ANTXR2: variants seen among roughly 807,000 people sequenced by gnomAD.
The protein encoded by ANTXR2 is anthrax toxin receptor 2.
In ANTXR2, 44 loss-of-function variants were observed where a neutral mutation model predicts 73.7. The observed-to-expected ratio is 0.60, with a 90% CI of 0.47 to 0.77. The LOEUF (loss-of-function observed/expected upper bound fraction) is 0.77, where lower values mean the gene tolerates loss of function less well. ANTXR2 is among the 30% of genes least tolerant of loss of function. ANTXR2 has a pLI of 0.00. For synonymous variants in ANTXR2, 217 were observed against 205.9 expected (o/e 1.05, Z -0.46); for missense variants, 604 against 592.5 (o/e 1.02, Z -0.20).
At chr4:79,956,812 G>A (rs181116754) in intron 16 of ANTXR2, among the ~76,000 whole-genome samples, 4 of 152,012 alleles carry the variant, frequency 2.6e-5, no homozygotes, top group Non-Finnish European at 4.4e-5. Context: ...AGCATTGGAA[G>A]TATTGGAAAC....
chr4:79,984,766 T>A, intron 13 of ANTXR2, 53 bp downstream of exon 13: 1 of 1,475,650 alleles, frequency 6.8e-7, no homozygotes, highest in Non-Finnish European at 9.4e-7. Context: ...GGGCATGGTA[T>A]CTGCATTTGG....
chr4:80,009,610 G>A (rs1731471654), intron 11 of ANTXR2, among the ~76,000 whole-genome samples: 2 of 152,084 alleles, frequency 1.3e-5, no homozygotes, highest in Admixed American at 6.6e-5. Context: ...AGCACTTTGG[G>A]AGGCCGAGGC....
In ANTXR2 at chr4:80,072,870, C is replaced by A; in HGVS notation, c.-310G>T. On this transcript the variant is annotated 5_prime_UTR_variant, in exon 1 of 17. Coordinates refer to ENST00000403729, the MANE Select transcript of ANTXR2 (RefSeq NM_058172.6). ...TCCTGCAGACAATGCGGGCCCACGG[C>A]GACAGCTCGCGAAAGGAGTTCCTCT... is the stretch of plus-strand genomic sequence containing the variant. The A allele has an allele frequency of 2.4e-6, 1 of 418,190 alleles. No homozygotes were observed. The highest frequency in any genetic ancestry group is 3.7e-6 in the Non-Finnish European group (1 of 273,212). 25.9% of individuals were successfully genotyped at this position (418,190 alleles called of 1,614,324 possible).
intron 16 of ANTXR2, among the ~76,000 whole-genome samples, chr4:79,949,104 T>C (rs1469054158): frequency 1.3e-5 from 2 of 152,130 alleles, no homozygotes; most frequent in African/African-American, 4.8e-5. Context: ...ATCCTTTTAA[T>C]ATGAGTGGCA....
intron 7 of ANTXR2, among the ~76,000 whole-genome samples, chr4:80,040,713 TTG>T: frequency 6.6e-6 from 1 of 150,860 alleles, no homozygotes; most frequent in East Asian, 2.0e-4. Flanking sequence ...ATTTCATCAT[TTG>T]ATATTTTGGG....
Position 80,008,569 on chromosome 4 carries a change from G to C in ANTXR2, c.993C>G (p.Leu331=), listed in dbSNP as rs1476909014. 3.1e-6 allele frequency: 5 copies of C among 1,607,348 alleles called. No individual in the cohort carries two copies. The highest frequency in any genetic ancestry group is 2.3e-5 in the East Asian group (1 of 44,380). The change falls in exon 12 of 17, where the codon CTC becomes CTG. Residue 331 remains leucine (L), a synonymous_variant. Coordinates refer to ENST00000403729, the MANE Select transcript of ANTXR2 (RefSeq NM_058172.6). ...AIIVILVLLL[L]LGIGLMWWFW... ...ACCACCACATCAAACCGATCCCCAG[G>C]AGTAGCAGTAACACCAAAATAACAA...
chr4:79,964,161 G>C (rs1729257618), intron 16 of ANTXR2, among the ~76,000 whole-genome samples: 2 of 152,160 alleles, frequency 1.3e-5, no homozygotes, highest in Non-Finnish European at 1.5e-5. Flanking sequence ...TTGCTGGTGA[G>C]GAGAGACTGC....
chr4:80,018,856 A>C (rs1389704631), intron 11 of ANTXR2, 42 bp downstream of exon 11: 1 of 1,350,298 alleles, frequency 7.4e-7, no homozygotes, highest in Admixed American at 2.5e-5. Flanking sequence ...TTCTGGATGG[A>C]ATTGCTTTTA....
chr4:79,916,158 G>A (rs966226838), intron 16 of ANTXR2, among the ~76,000 whole-genome samples: 2 of 151,860 alleles, frequency 1.3e-5, no homozygotes, highest in African/African-American at 2.4e-5. Flanking sequence ...TATTTATTTT[G>A]CAAATACCCA....
intron 12 of ANTXR2, among the ~76,000 whole-genome samples, chr4:79,989,155 T>C (rs1180743062): frequency 2.0e-5 from 3 of 151,630 alleles, no homozygotes; most frequent in Non-Finnish European, 2.9e-5. Context: ...AGAGCTGAAC[T>C]GAAGGAAACT....
At chr4:80,053,604 A>G (rs377571584) in intron 7 of ANTXR2, among the ~76,000 whole-genome samples, 18 of 151,654 alleles carry the variant, frequency 1.2e-4, no homozygotes, top group African/African-American at 3.9e-4. Flanking sequence ...TATCATAAAT[A>G]CTTAATAGCA....
chr4:80,034,867 T>C (rs944587125), intron 8 of ANTXR2, among the ~76,000 whole-genome samples: 4 of 152,088 alleles, frequency 2.6e-5, no homozygotes, highest in East Asian at 1.9e-4. Flanking sequence ...TCATTTACTA[T>C]GTTATGAAAG....
chr4:79,959,326 C>T, intron 16 of ANTXR2, among the ~76,000 whole-genome samples: 1 of 151,990 alleles, frequency 6.6e-6, no homozygotes, highest in East Asian at 1.9e-4. Flanking sequence ...TTATTTTTCT[C>T]AGTAGCTTAA....
rs368558915 is a variant in ANTXR2 at position 80,071,857 on chromosome 4, AAAG to A, written c.153-206_153-204del. 4.0e-4 allele frequency among the ~76,000 whole-genome samples: 61 copies of A among 152,246 alleles called. 1 individual carries two copies. The South Asian group carries it at 6.4e-3, about 16-fold the overall frequency. On this transcript the variant is annotated intron_variant, in intron 1 of 16. Coordinates refer to ENST00000403729, the MANE Select transcript of ANTXR2 (RefSeq NM_058172.6). ...CAGAGCAAGACTCCGTCAAAAAAAA[AAAG>A]AAGAAGAAGAAGTCAGCCCGTTTTC...
At chr4:80,007,568 T>C (rs1731366986) in intron 12 of ANTXR2, among the ~76,000 whole-genome samples, 1 of 152,202 alleles carries the variant, frequency 6.6e-6, no homozygotes, top group African/African-American at 2.4e-5. Flanking sequence ...AGATGGGAGA[T>C]GATCCTGGAT....
At chr4:80,035,211 G>C (rs985984383) in intron 8 of ANTXR2, among the ~76,000 whole-genome samples, 1 of 151,878 alleles carries the variant, frequency 6.6e-6, no homozygotes, top group African/African-American at 2.4e-5. Context: ...CACTGTTAGG[G>C]AAGATAATCC....
chr4:80,010,085 A>G (rs966157606), intron 11 of ANTXR2, among the ~76,000 whole-genome samples: 1 of 151,792 alleles, frequency 6.6e-6, no homozygotes. Flanking sequence ...GAAGAAAAGA[A>G]AAAGAGCAAA....
intron 16 of ANTXR2, among the ~76,000 whole-genome samples, chr4:79,960,009 C>T (rs1169260966): frequency 6.6e-6 from 1 of 152,076 alleles, no homozygotes; most frequent in Admixed American, 6.5e-5. Context: ...CTGTATGCTA[C>T]GTATGTAAAC....
rs1327708335 is a variant in ANTXR2 at position 79,903,533 on chromosome 4, C to T, written c.*3896G>A. ...AATACATTAAAAAACCAGCGCAGAA[C>T]CTGCTACATTATGGATTTTCAAAAA... On this transcript the variant is annotated 3_prime_UTR_variant, in exon 17 of 17. Coordinates refer to ENST00000403729, the MANE Select transcript of ANTXR2 (RefSeq NM_058172.6). 6.6e-6 allele frequency: 1 copy of T among 152,116 alleles called. No homozygotes were observed. The highest frequency in any genetic ancestry group is 2.4e-5 in the African/African-American group (1 of 41,454). 9.4% of individuals were successfully genotyped at this position (152,116 alleles called of 1,614,324 possible). A position where few individuals can be genotyped will look rare whatever the true frequency, so the allele number is the denominator to read the frequency against.
Sources: gnomAD v4.1 joint callset for allele counts (sites outside exome capture counted in the v4.1 genomes callset) on GRCh38, gnomAD v4.1.1 for gene constraint, MANE v1.5 for transcripts, NCBI Gene and HGNC (gene_info 2026-07-23, HGNC 2026-07-21) for gene names.